Variants in EYS observed in about 807,000 individuals in gnomAD.
EYS encodes protein eyes shut homolog.
Under a neutral mutation model 282.1 loss-of-function variants are expected in EYS, and 250 were observed. The observed-to-expected ratio is 0.89, with a 90% CI of 0.80 to 0.98. The LOEUF is 0.98. Among genes scored for constraint, EYS ranks in the 50% least tolerant of loss-of-function variants. The probability of loss-of-function intolerance (pLI) is 0.00; values close to 1 mark genes in which losing one functional copy is unlikely to be tolerated. For missense variants in EYS, 4,016 were observed against 3,709.0 expected, an observed-to-expected ratio of 1.08 and a Z score of -2.15; for synonymous variants, 1,355 against 1,282.9, an observed-to-expected ratio of 1.06 and a Z score of -1.20.
intron 5 of EYS, among the ~76,000 whole-genome samples, chr6:65,457,425 T>G (rs1186952725): frequency 6.6e-6 from 1 of 152,056 alleles, no homozygotes; most frequent in Non-Finnish European, 1.5e-5. Flanking sequence ...TCAGCCTTCC[T>G]AAGTGCTAGA....
chr6:65,689,036 A>C (rs998695225), intron 1 of EYS, among the ~76,000 whole-genome samples: 8 of 150,564 alleles, frequency 5.3e-5, no homozygotes, highest in Non-Finnish European at 1.0e-4. Context: ...ATATACCCAA[A>C]GGATTATAAA....
In EYS at chr6:65,667,331, T is replaced by C. The variant is rs1478950073; in HGVS notation, c.-447-27439A>G. ...TACAAAACTCATGTAATCTGTTCCT[T>C]GCCTAATGCTCTCACTTAAATTCAT... On this transcript the variant is annotated intron_variant, in intron 1 of 42. Transcript: ENST00000503581. Among the ~76,000 whole-genome samples, 6 of 151,870 alleles carry C rather than the reference T, an allele frequency of 4.0e-5. No homozygotes were observed. In the South Asian group the frequency reaches 1.2e-3, roughly 31 times the overall value.
chr6:65,698,921 T>C (rs1017568592), intron 1 of EYS, among the ~76,000 whole-genome samples: 22 of 152,198 alleles, frequency 1.4e-4, no homozygotes, highest in Non-Finnish European at 4.4e-5. Flanking sequence ...TACTTTTTCC[T>C]ACAATTACTT....
intron 18 of EYS, among the ~76,000 whole-genome samples, chr6:64,889,517 C>T (rs1324623004): frequency 6.6e-6 from 1 of 151,790 alleles, no homozygotes; most frequent in Admixed American, 6.6e-5. Flanking sequence ...AGTCAGGGAC[C>T]CCAAATGGAG....
At chr6:65,221,999 T>C (rs1259197059) in intron 12 of EYS, among the ~76,000 whole-genome samples, 1 of 152,142 alleles carries the variant, frequency 6.6e-6, no homozygotes, top group Admixed American at 6.5e-5. Context: ...ATTTCTCCCA[T>C]TTGAAATGGG....
At chr6:64,232,026 A>G (rs1766438365) in intron 30 of EYS, among the ~76,000 whole-genome samples, 1 of 152,218 alleles carries the variant, frequency 6.6e-6, no homozygotes, top group Non-Finnish European at 1.5e-5. Context: ...AGCTATTTTT[A>G]TATCTACTAC....
rs149154191 is a variant in EYS, at chr6:64,723,488, G to A, written c.3443+89890C>T. ...ATACTACATCACTGCCATCTGTAGT[G>A]ATGCATAAATCACAAGGCAATAAAG... On this transcript the variant is annotated intron_variant, in intron 22 of 42. Transcript: ENST00000503581. Among the ~76,000 whole-genome samples, 98 of 152,250 alleles carry A rather than the reference G, an allele frequency of 6.4e-4. 1 individual carries two copies. The East Asian group carries it at 0.014, about 22-fold the overall frequency.
chr6:65,418,527 A>G (rs1767328604), intron 5 of EYS, among the ~76,000 whole-genome samples: 1 of 152,104 alleles, frequency 6.6e-6, no homozygotes, highest in Non-Finnish European at 1.5e-5. Flanking sequence ...AACACCATGA[A>G]ATATTATGCA....
At chr6:65,609,161 A>T (rs1765906100) in intron 2 of EYS, among the ~76,000 whole-genome samples, 1 of 151,980 alleles carries the variant, frequency 6.6e-6, no homozygotes, top group Non-Finnish European at 1.5e-5. Flanking sequence ...TTTCACCATC[A>T]TCACCACAAG....
intron 19 of EYS, among the ~76,000 whole-genome samples, chr6:64,848,158 T>C (rs767780068): frequency 6.6e-6 from 1 of 152,014 alleles, no homozygotes; most frequent in Non-Finnish European, 1.5e-5. Flanking sequence ...TTCTCTTTAA[T>C]ACATGTGGAG....
intron 2 of EYS, among the ~76,000 whole-genome samples, chr6:65,592,310 T>G (rs2127368758): frequency 6.6e-6 from 1 of 152,122 alleles, no homozygotes; most frequent in South Asian, 2.1e-4. Flanking sequence ...AATTATAATA[T>G]AGTATATAAC....
At chr6:65,405,567 A>G (rs1766702020) in intron 5 of EYS, among the ~76,000 whole-genome samples, 200 bp from the exon 6 acceptor site, 1 of 152,092 alleles carries the variant, frequency 6.6e-6, no homozygotes, top group Non-Finnish European at 1.5e-5. Context: ...AAATGTATAG[A>G]GCTACTCAAG....
At chr6:65,433,690 T>C (rs1400790874) in intron 5 of EYS, among the ~76,000 whole-genome samples, 1 of 152,156 alleles carries the variant, frequency 6.6e-6, no homozygotes, top group Non-Finnish European at 1.5e-5. Flanking sequence ...TTGTTAATAA[T>C]TTGATAGCTT....
At chr6:64,635,423 A>G (rs532399217) in intron 22 of EYS, among the ~76,000 whole-genome samples, 1 of 152,268 alleles carries the variant, frequency 6.6e-6, no homozygotes, top group African/African-American at 2.4e-5. Context: ...GAATGCTTCC[A>G]GTTTTTGCCC....
chr6:65,358,854 A>G (rs1764594118), intron 8 of EYS, among the ~76,000 whole-genome samples: 1 of 152,074 alleles, frequency 6.6e-6, no homozygotes, highest in Non-Finnish European at 1.5e-5. Flanking sequence ...AACAATATAC[A>G]TGAAAAATAG....
intron 31 of EYS, among the ~76,000 whole-genome samples, chr6:64,093,929 A>G (rs1345545825): frequency 3.3e-5 from 5 of 152,266 alleles, no homozygotes; most frequent in East Asian, 1.9e-4. Context: ...GATACGCCCC[A>G]TCAATAACTA....
rs184935974 is a variant in EYS, at chr6:63,911,361, T to A, written c.7056-47003A>T. Among the ~76,000 whole-genome samples, 360 of 152,318 alleles carry A rather than the reference T, an allele frequency of 2.4e-3. 1 individual carries two copies. The highest frequency in any genetic ancestry group is 0.01 in the South Asian group (50 of 4,826). ...TATAACTTATTCTCCAGCATAAACATCTGCCCTTATGCTCATTAAAAGTTG... is the reference window on the plus strand; with the variant it reads ...TATAACTTATTCTCCAGCATAAACAACTGCCCTTATGCTCATTAAAAGTTG... On this transcript the variant is annotated intron_variant, in intron 35 of 42. Coordinates refer to ENST00000503581, the MANE Select transcript of EYS (RefSeq NM_001142800.2).
At chr6:63,950,429 C>G (rs1303643120) in intron 35 of EYS, among the ~76,000 whole-genome samples, 4 of 152,004 alleles carry the variant, frequency 2.6e-5, no homozygotes, top group African/African-American at 9.6e-5. Flanking sequence ...CCCCCTTTGA[C>G]TATAATTTTC....
intron 2 of EYS, among the ~76,000 whole-genome samples, chr6:65,562,744 G>A (rs1036200304): frequency 1.3e-5 from 2 of 152,012 alleles, no homozygotes. Context: ...TGTTAATTAA[G>A]TTAATTTTAT....
Sources: gnomAD v4.1 joint callset for allele counts (sites outside exome capture counted in the v4.1 genomes callset) on GRCh38, gnomAD v4.1.1 for gene constraint, MANE v1.5 for transcripts, NCBI Gene and HGNC (gene_info 2026-07-23, HGNC 2026-07-21) for gene names.